The following CRACR2A variants were observed in gnomAD, a reference collection of about 807,000 sequenced individuals.
The protein encoded by CRACR2A is EF-hand calcium-binding domain-containing protein 4B.
CRACR2A carries 79 observed loss-of-function variants against 90.5 expected under a neutral mutation model. The observed-to-expected ratio is 0.87, with a 90% CI of 0.73 to 1.05. CRACR2A has a LOEUF of 1.05. CRACR2A is among the 50% of genes least tolerant of loss of function. The pLI is 0.00. For missense variants in CRACR2A, 823 were observed against 897.2 expected (o/e 0.92, Z 1.06); for synonymous variants, 338 against 356.7 (o/e 0.95, Z 0.59).
In CRACR2A at chr12:3,615,372, T is replaced by G; in HGVS notation, c.2179A>C (p.Lys727Gln). ...GGACCCTATCAGCCACAGCAGGATT[T>G]CTTCTTAGCAGGGTGGCCGACCTGA... is the stretch of plus-strand genomic sequence containing the variant. ...TIQVGHPAKK[K>Q]SCCG The change falls in exon 20 of 20, where the codon AAA becomes CAA. Residue 727 changes from lysine (K) to glutamine (Q), a missense_variant. Transcript: ENST00000440314. 6.4e-7 allele frequency: 1 copy of G among 1,551,636 alleles called. No individual in the cohort carries two copies. Among genetic ancestry groups the G allele is most frequent in the Non-Finnish European group, 8.7e-7 (1 of 1,146,942 alleles).
At chr12:3,615,876 G>T (rs118114640) in intron 19 of CRACR2A, among the ~76,000 whole-genome samples, 1 of 152,362 alleles carries the variant, frequency 6.6e-6, no homozygotes, top group Non-Finnish European at 1.5e-5. Flanking sequence ...GCACACAGGT[G>T]AGGCTCCAAA....
At chr12:3,689,877 G>A (rs1345554543) in intron 4 of CRACR2A, among the ~76,000 whole-genome samples, 1 of 151,876 alleles carries the variant, frequency 6.6e-6, no homozygotes, top group Non-Finnish European at 1.5e-5. Flanking sequence ...CTCAGTCTTG[G>A]AAGGGTGTAT....
rs1264273662 is a variant in CRACR2A, at chr12:3,656,309, A to G, written c.858+2T>C. ...ACTCTGGGGCCATGGATGGCAACAT[A>G]CCCTTTTCTGCTTCTGGGTGAGCTG... On this transcript the variant is annotated splice_donor_variant, in intron 9 of 19. Coordinates refer to ENST00000440314, the MANE Select transcript of CRACR2A (RefSeq NM_001144958.2). LOFTEE classifies it high-confidence loss of function. 1.2e-6 allele frequency: 2 copies of G among 1,613,954 alleles called. No individual in the cohort carries two copies.
At chr12:3,712,867 G>A (rs1009808860) in intron 3 of CRACR2A, among the ~76,000 whole-genome samples, 1 of 152,078 alleles carries the variant, frequency 6.6e-6, no homozygotes, top group Admixed American at 6.5e-5. Flanking sequence ...CTCTGTGAGT[G>A]ACCAGTGGCT....
At chr12:3,752,490 A>G (rs1946725634) in intron 1 of CRACR2A, 1 of 152,862 alleles carries the variant, frequency 6.5e-6, no homozygotes, top group South Asian at 2.1e-4. Context: ...GCAGCCGCCC[A>G]CTTCCTGACC....
At chr12:3,662,277 C>T (rs911263097) in intron 7 of CRACR2A, among the ~76,000 whole-genome samples, 1 of 152,246 alleles carries the variant, frequency 6.6e-6, no homozygotes, top group Non-Finnish European at 1.5e-5. Flanking sequence ...TTAGAACACA[C>T]TAATCCCAGG....
chr12:3,748,654 G>C (rs1261291105), intron 1 of CRACR2A, among the ~76,000 whole-genome samples: 2 of 152,170 alleles, frequency 1.3e-5, no homozygotes, highest in African/African-American at 4.8e-5. Context: ...TGAACTTCAA[G>C]AGGTCCTTCC....
chr12:3,628,638 C>T (rs911536522), intron 15 of CRACR2A, among the ~76,000 whole-genome samples: 2 of 152,190 alleles, frequency 1.3e-5, no homozygotes, highest in African/African-American at 4.8e-5. Context: ...CAGGTATTCC[C>T]CACTCCTGCA....
chr12:3,665,822 C>T (rs142572576), intron 7 of CRACR2A, among the ~76,000 whole-genome samples: 81 of 152,304 alleles, frequency 5.3e-4, no homozygotes, highest in African/African-American at 1.8e-3. Flanking sequence ...ATACATCCCA[C>T]CAACATTGAA....
At chr12:3,688,271 T>A (rs1052857984) in intron 4 of CRACR2A, among the ~76,000 whole-genome samples, 2 of 152,258 alleles carry the variant, frequency 1.3e-5, no homozygotes, top group African/African-American at 2.4e-5. Flanking sequence ...CCCACTCTTA[T>A]GTCCAGAATT....
intron 2 of CRACR2A, chr12:3,732,141 A>C (rs1946369063): frequency 6.6e-6 from 1 of 152,226 alleles, no homozygotes; most frequent in Non-Finnish European, 1.5e-5. Context: ...TGGTGACAAC[A>C]CTGCTCCTAT....
intron 13 of CRACR2A, among the ~76,000 whole-genome samples, chr12:3,639,096 C>G (rs950393185): frequency 3.2e-4 from 48 of 152,164 alleles, no homozygotes; most frequent in African/African-American, 1.1e-3. Flanking sequence ...GGGAGGGCCC[C>G]CCACCTCCAG....
chr12:3,702,132 C>G (rs1945843417), intron 3 of CRACR2A, among the ~76,000 whole-genome samples: 1 of 152,058 alleles, frequency 6.6e-6, no homozygotes, highest in African/African-American at 2.4e-5. Flanking sequence ...ACTAAGAGAA[C>G]TAGGAATAGG....
intron 10 of CRACR2A, among the ~76,000 whole-genome samples, chr12:3,652,565 C>T (rs369172505): frequency 7.5e-4 from 114 of 152,190 alleles, no homozygotes; most frequent in African/African-American, 2.5e-3. Context: ...TACAGGATTC[C>T]GCACATAAGT....
In CRACR2A at chr12:3,697,061, A is replaced by G. The variant is rs982190449; in HGVS notation, c.-36-26T>C. ...CTGAACATAGAAAATGGGAGAGAGA[A>G]GTGGGTGTGGTGGGTTGGAGTGAGG... is the stretch of plus-strand genomic sequence containing the variant. On this transcript the variant is annotated intron_variant, in intron 3 of 19. Transcript: ENST00000440314. 3 of 1,538,156 alleles carry G rather than the reference A, an allele frequency of 2.0e-6. No individual in the cohort carries two copies. In the African/African-American group the frequency reaches 4.1e-5, roughly 21 times the overall value.
intron 1 of CRACR2A, chr12:3,752,495 C>T (rs972831268): frequency 4.6e-5 from 7 of 152,986 alleles, no homozygotes; most frequent in Admixed American, 3.3e-4. Flanking sequence ...CGCCCACTTC[C>T]TGACCTCCTT....
At chr12:3,743,571 G>A (rs1013005509) in intron 1 of CRACR2A, among the ~76,000 whole-genome samples, 1 of 152,166 alleles carries the variant, frequency 6.6e-6, no homozygotes, top group Non-Finnish European at 1.5e-5. Context: ...TGTCTATACC[G>A]GGACTAGGTG....
chr12:3,730,679 C>G (rs559453616), intron 2 of CRACR2A: 1 of 151,912 alleles, frequency 6.6e-6, no homozygotes, highest in East Asian at 1.9e-4. Context: ...CAAGATAAAT[C>G]GAGTGAAAAA....
At chr12:3,630,007 G>A (rs1479975741) in intron 15 of CRACR2A, among the ~76,000 whole-genome samples, 6 of 152,156 alleles carry the variant, frequency 3.9e-5, no homozygotes, top group South Asian at 4.1e-4. Flanking sequence ...CAGGAGACCC[G>A]TGTTGTGCGT....
Sources: allele counts gnomAD v4.1 joint callset (sites outside exome capture counted in the v4.1 genomes callset), GRCh38; gene constraint gnomAD v4.1.1; transcripts MANE v1.5; gene names NCBI Gene and HGNC (gene_info 2026-07-23, HGNC 2026-07-21).